The following DHX40 variants were observed in gnomAD, a reference collection of about 807,000 sequenced individuals.
The protein encoded by DHX40 is probable ATP-dependent RNA helicase DHX40.
DHX40 carries 28 observed loss-of-function variants against 89.6 expected under a neutral mutation model. The observed-to-expected ratio is 0.31, with a 90% CI of 0.23 to 0.43. The LOEUF (loss-of-function observed/expected upper bound fraction) is 0.43, where lower values mean the gene tolerates loss of function less well. Ranked by LOEUF, DHX40 falls within the 20% of genes least tolerant of loss-of-function variation. DHX40 has a pLI of 1.00. For missense variants in DHX40, 457 were observed against 844.0 expected, an observed-to-expected ratio of 0.54 and a Z score of 5.68; for synonymous variants, 226 against 283.6, an observed-to-expected ratio of 0.80 and a Z score of 2.04.
At chr17:59,599,928 A>G (rs2030377538) in intron 14 of DHX40, among the ~76,000 whole-genome samples, 1 of 150,194 alleles carries the variant, frequency 6.7e-6, no homozygotes, top group African/African-American at 2.5e-5. Context: ...GGTTTAAGCA[A>G]TTCTTCTGCC....
Position 59,604,957 on chromosome 17 carries a change from G to T in DHX40, c.1902-158G>T, listed in dbSNP as rs2030754401. On this transcript the variant is annotated intron_variant, in intron 15 of 17. Coordinates refer to ENST00000251241, the MANE Select transcript of DHX40 (RefSeq NM_024612.5). ...TGTATAATTAATTTAAGATGAATTGGTAGAGAGCTTGTAGTGACAGTTGAA... is the reference window on the plus strand; with the variant it reads ...TGTATAATTAATTTAAGATGAATTGTTAGAGAGCTTGTAGTGACAGTTGAA... 1.4e-5 allele frequency: 9 copies of T among 634,886 alleles called. No homozygotes were observed. In the South Asian group the frequency reaches 1.7e-4, roughly 12 times the overall value. The allele number at this position is 634,886 out of a possible 1,614,324, so 39.3% of individuals were successfully genotyped here.
intron 2 of DHX40, among the ~76,000 whole-genome samples, chr17:59,569,900 C>G (rs886608966): frequency 7.0e-6 from 1 of 142,982 alleles, no homozygotes; most frequent in Non-Finnish European, 1.5e-5. Flanking sequence ...CAAAATTAGC[C>G]CGGCATGGTG....
intron 2 of DHX40, among the ~76,000 whole-genome samples, chr17:59,569,298 C>T (rs1002442071): frequency 2.7e-5 from 4 of 145,806 alleles, no homozygotes; most frequent in Admixed American, 1.4e-4. Flanking sequence ...ACTGCACTCC[C>T]GCCTGGGCAA....
intron 12 of DHX40, among the ~76,000 whole-genome samples, chr17:59,593,967 A>T (rs924316067): frequency 1.9e-4 from 29 of 150,004 alleles, no homozygotes; most frequent in Non-Finnish European, 3.0e-4. Context: ...AATTTAAGCC[A>T]GTGATGTTTT....
intron 10 of DHX40, among the ~76,000 whole-genome samples, chr17:59,582,334 AAGG>A (rs200857798): frequency 0.016 from 1,970 of 124,912 alleles, 644 homozygotes; most frequent in African/African-American, 0.067. Flanking sequence ...TATAAAGAAT[AAGG>A]AGAGGTAGAG....
At chr17:59,577,063 G>T (rs1260355979) in intron 7 of DHX40, 5 of 597,634 alleles carry the variant, frequency 8.4e-6, no homozygotes. Flanking sequence ...TAGAGACAGG[G>T]TCTCACCATG....
chr17:59,602,641 G>T, intron 15 of DHX40, 25 bp downstream of exon 15: 1 of 1,566,460 alleles, frequency 6.4e-7, no homozygotes, highest in Non-Finnish European at 8.8e-7. Context: ...CTTGAGAGAT[G>T]GATCAAGATA....
chr17:59,596,531 G>A (rs528790360), intron 12 of DHX40, among the ~76,000 whole-genome samples: 91 of 152,272 alleles, frequency 6.0e-4, no homozygotes, highest in African/African-American at 2.0e-3. Flanking sequence ...TTGCACCACT[G>A]CACTCCAGCC....
chr17:59,573,405 C>T (rs1037857585), intron 4 of DHX40, among the ~76,000 whole-genome samples, 170 bp downstream of exon 4: 1 of 152,166 alleles, frequency 6.6e-6, no homozygotes, highest in African/African-American at 2.4e-5. Flanking sequence ...TCATAGCTCA[C>T]TGCACCCTTG....
chr17:59,577,380 CTT>C lies in DHX40; in HGVS notation c.1073+17_1073+18del. 1 of 1,605,152 alleles carries C rather than the reference CTT, an allele frequency of 6.2e-7. No individual in the cohort carries two copies. Among genetic ancestry groups the C allele is most frequent in the African/African-American group, 1.3e-5 (1 of 74,812 alleles). Reference sequence around the variant, plus strand: ...GATGGAATCAGGTAAAACTTTTGAACTTTCTCTTAAAGTCAAGGAAGCCTATC... The same window carrying C: ...GATGGAATCAGGTAAAACTTTTGAACTCTCTTAAAGTCAAGGAAGCCTATC... On this transcript the variant is annotated intron_variant, in intron 8 of 17. Transcript: ENST00000251241.
At chr17:59,600,510 T>A (rs545131167) in intron 14 of DHX40, among the ~76,000 whole-genome samples, 1 of 151,936 alleles carries the variant, frequency 6.6e-6, no homozygotes, top group African/African-American at 2.4e-5. Context: ...TGATTATTAG[T>A]TTTTCAATTT....
chr17:59,569,718 T>G (rs1490014037), intron 2 of DHX40, among the ~76,000 whole-genome samples: 1 of 145,168 alleles, frequency 6.9e-6, no homozygotes, highest in African/African-American at 2.5e-5. Flanking sequence ...TATCTATATA[T>G]ATATATAGAT....
chr17:59,574,738 T>C (rs1430645331), intron 6 of DHX40, among the ~76,000 whole-genome samples: 1 of 151,734 alleles, frequency 6.6e-6, no homozygotes, highest in Non-Finnish European at 1.5e-5. Flanking sequence ...TCAAAGGACA[T>C]TTCACCAGGT....
chr17:59,576,891 A>G lies in DHX40; in HGVS notation c.974-375A>G, dbSNP rs1027329555. On this transcript the variant is annotated intron_variant, in intron 7 of 17. Coordinates refer to ENST00000251241, the MANE Select transcript of DHX40 (RefSeq NM_024612.5). Reference sequence around the variant, plus strand: ...TGTTTTTTTTTTTTTGTTTTTTGAGATGGAGTCTCGCTCTGTCGCCCAGGC... The same window carrying G: ...TGTTTTTTTTTTTTTGTTTTTTGAGGTGGAGTCTCGCTCTGTCGCCCAGGC... Among the ~76,000 whole-genome samples, 7 of 146,958 alleles carry G rather than the reference A, an allele frequency of 4.8e-5. No individual in the cohort carries two copies. In the South Asian group the frequency reaches 8.5e-4, roughly 18 times the overall value.
chr17:59,570,260 A>AT (rs2048786441), intron 2 of DHX40, among the ~76,000 whole-genome samples: 1 of 129,380 alleles, frequency 7.7e-6, no homozygotes, highest in Non-Finnish European at 1.6e-5. Context: ...ATATAAATAT[A>AT]TATAATATAA....
chr17:59,598,472 AG>A (rs2030254537), intron 12 of DHX40, among the ~76,000 whole-genome samples: 2 of 152,234 alleles, frequency 1.3e-5, no homozygotes, highest in Admixed American at 1.3e-4. Flanking sequence ...TAATTTAAAA[AG>A]TAAATTACAA....
At position 59,607,492 on chromosome 17, in the gene DHX40, A is replaced by G. The variant is rs1159960123; in HGVS notation, c.*320A>G. 1.7e-6 allele frequency: 1 copy of G among 575,718 alleles called. No homozygotes were observed. Among genetic ancestry groups the G allele is most frequent in the African/African-American group, 1.9e-5 (1 of 53,664 alleles). The allele number at this position is 575,718 out of a possible 1,614,324, so 35.7% of individuals were successfully genotyped here. The stretch of plus-strand genomic sequence containing the variant: ...AACGCTGTCATTGAGATGTTTTCAA[A>G]GAACATTGAGTTGTATTTAATCAGC... On this transcript the variant is annotated 3_prime_UTR_variant, in exon 18 of 18. Transcript: ENST00000251241.
Position 59,605,673 on chromosome 17 carries a change from G to T in DHX40, c.2199G>T (p.Lys733Asn). Reference sequence around the variant, plus strand: ...ATAAGGAAAATGTAAAGCAGCTAAAGGGTGAGTAAATCATTTGTTCTACTC... The same window carrying T: ...ATAAGGAAAATGTAAAGCAGCTAAATGGTGAGTAAATCATTTGTTCTACTC... ...WTNKENVKQLKDGISKDVLKK... is the reference protein window; with the variant it reads ...WTNKENVKQLNDGISKDVLKK... Residue 733 changes from lysine (K) to asparagine (N), a missense_variant and splice_region_variant, in exon 17 of 18, where the codon AAG (lysine) becomes AAT (asparagine). Coordinates refer to ENST00000251241, the MANE Select transcript of DHX40 (RefSeq NM_024612.5). 2 of 1,606,470 alleles carry T rather than the reference G, an allele frequency of 1.2e-6. No homozygotes were observed. The highest frequency in any genetic ancestry group is 4.6e-5 in the East Asian group (2 of 43,244).
intron 3 of DHX40, among the ~76,000 whole-genome samples, chr17:59,572,035 GAATTAACAAAATCAGCC>G (rs373277160): frequency 6.6e-6 from 1 of 152,284 alleles, no homozygotes; most frequent in Non-Finnish European, 1.5e-5. Context: ...ATGGAAAGCT[GAATTAACAAAATCAGCC>G]AATTAACAAA....
Sources: allele counts gnomAD v4.1 joint callset (sites outside exome capture counted in the v4.1 genomes callset), GRCh38; gene constraint gnomAD v4.1.1; transcripts MANE v1.5; gene names NCBI Gene and HGNC (gene_info 2026-07-23, HGNC 2026-07-21).